SPIDR: variants seen among roughly 807,000 people sequenced by gnomAD.
SPIDR encodes scaffold protein involved in DNA repair.
Under a neutral mutation model 104.6 loss-of-function variants are expected in SPIDR, and 93 were observed. That is an observed-to-expected ratio of 0.89 (90% CI 0.75 to 1.06). SPIDR has a LOEUF of 1.06. Among genes scored for constraint, SPIDR ranks in the 50% least tolerant of loss-of-function variants. The pLI is 0.00. For missense variants in SPIDR, 1,154 were observed against 1,111.2 expected, an observed-to-expected ratio of 1.04 and a Z score of -0.55; for synonymous variants, 431 against 416.9, an observed-to-expected ratio of 1.03 and a Z score of -0.41.
chr8:47,406,091 C>CTT (rs548168516), intron 6 of SPIDR, among the ~76,000 whole-genome samples: 46 of 135,098 alleles, frequency 3.4e-4, no homozygotes, highest in African/African-American at 1.1e-3. Flanking sequence ...TTCATTTTGC[C>CTT]TTTTTTTTTT....
intron 8 of SPIDR, among the ~76,000 whole-genome samples, chr8:47,584,451 T>C (rs904861603): frequency 6.6e-6 from 1 of 152,232 alleles, no homozygotes; most frequent in Admixed American, 6.5e-5. Flanking sequence ...CTGTATTTTC[T>C]GTATCCTAAG....
chr8:47,265,245 A>G (rs914500407), intron 1 of SPIDR, among the ~76,000 whole-genome samples: 7 of 138,922 alleles, frequency 5.0e-5, no homozygotes, highest in African/African-American at 2.0e-4. Context: ...GCTGGGGTGC[A>G]GGGGTGCTAT....
chr8:47,721,808 A>G (rs976351116), intron 16 of SPIDR, among the ~76,000 whole-genome samples: 14 of 152,304 alleles, frequency 9.2e-5, no homozygotes, highest in Admixed American at 2.6e-4. Flanking sequence ...GAAGTCGGGT[A>G]CTGTCAGTTT....
intron 11 of SPIDR, among the ~76,000 whole-genome samples, chr8:47,687,460 C>G (rs1464625066): frequency 6.6e-6 from 1 of 152,232 alleles, no homozygotes; most frequent in Non-Finnish European, 1.5e-5. Context: ...GTGTTTACCA[C>G]TTCAAAGCAG....
At chr8:47,436,228 G>T (rs183480012) in intron 7 of SPIDR, among the ~76,000 whole-genome samples, 48 of 152,218 alleles carry the variant, frequency 3.2e-4, no homozygotes, top group Admixed American at 9.2e-4. Flanking sequence ...TAAAGTATTT[G>T]GGGATTTTCA....
At chr8:47,317,674 T>C in intron 5 of SPIDR, among the ~76,000 whole-genome samples, 1 of 151,960 alleles carries the variant, frequency 6.6e-6, no homozygotes, top group Middle Eastern at 3.4e-3. Flanking sequence ...CCCCCCCGAG[T>C]AGCTTAACTG....
intron 8 of SPIDR, among the ~76,000 whole-genome samples, chr8:47,472,248 C>G (rs562832169): frequency 3.3e-5 from 5 of 152,302 alleles, no homozygotes; most frequent in Non-Finnish European, 7.4e-5. Context: ...GGGGCTAACC[C>G]CTCCTTCACA....
chr8:47,442,280 G>A (rs2069591215), intron 8 of SPIDR, among the ~76,000 whole-genome samples: 1 of 152,078 alleles, frequency 6.6e-6, no homozygotes, highest in Non-Finnish European at 1.5e-5. Context: ...TTAATAATTT[G>A]GAGTATAATC....
intron 5 of SPIDR, among the ~76,000 whole-genome samples, chr8:47,337,273 G>A (rs1306956749): frequency 6.6e-6 from 1 of 152,006 alleles, no homozygotes; most frequent in Non-Finnish European, 1.5e-5. Context: ...GACTACAGAG[G>A]GGCCTACCAC....
At chr8:47,445,237 G>A (rs2154345748) in intron 8 of SPIDR, among the ~76,000 whole-genome samples, 1 of 152,250 alleles carries the variant, frequency 6.6e-6, no homozygotes, top group Non-Finnish European at 1.5e-5. Context: ...GTGCTCACCT[G>A]TCTCTATATC....
At chr8:47,720,711 G>A (rs2083269380) in intron 16 of SPIDR, among the ~76,000 whole-genome samples, 1 of 151,666 alleles carries the variant, frequency 6.6e-6, no homozygotes, top group African/African-American at 2.4e-5. Context: ...TTGATCAGAT[G>A]TGTCTTTTGC....
Position 47,445,902 on chromosome 8 carries a change from C to A in SPIDR, c.1097+5360C>A, listed in dbSNP as rs2070502907. Among the ~76,000 whole-genome samples, 3 of 152,168 alleles carry A rather than the reference C, an allele frequency of 2.0e-5. No individual in the cohort carries two copies. The South Asian group carries it at 6.2e-4, about 31-fold the overall frequency. Reference sequence around the variant, plus strand: ...TTGAAGTCTGAGAGAGGTGAGGAAGCTTCAGAAGAAAAATTTGAAGCTAGC... The same window carrying A: ...TTGAAGTCTGAGAGAGGTGAGGAAGATTCAGAAGAAAAATTTGAAGCTAGC... On this transcript the variant is annotated intron_variant, in intron 8 of 19. Coordinates refer to ENST00000297423, the MANE Select transcript of SPIDR (RefSeq NM_001080394.4).
rs1010734802 is a variant in SPIDR at position 47,360,501 on chromosome 8, A to G, written c.526-35875A>G. ...AGAATAAGCTCCAGGGCAGGAGCCTATGACTGCCTGTGGACCAGGCAGGTG... is the reference window on the plus strand; with the variant it reads ...AGAATAAGCTCCAGGGCAGGAGCCTGTGACTGCCTGTGGACCAGGCAGGTG... On this transcript the variant is annotated intron_variant, in intron 5 of 19. Transcript: ENST00000297423. 7.2e-5 allele frequency among the ~76,000 whole-genome samples: 11 copies of G among 152,256 alleles called. No individual in the cohort carries two copies. In the East Asian group the frequency reaches 1.9e-3, roughly 27 times the overall value.
intron 8 of SPIDR, among the ~76,000 whole-genome samples, chr8:47,509,442 A>G (rs1243805423): frequency 6.6e-6 from 1 of 152,166 alleles, no homozygotes; most frequent in Non-Finnish European, 1.5e-5. Flanking sequence ...TCTAGTTTCT[A>G]TTACAGGGGG....
At chr8:47,698,206 A>C (rs887792609) in intron 11 of SPIDR, among the ~76,000 whole-genome samples, 2 of 151,844 alleles carry the variant, frequency 1.3e-5, no homozygotes, top group Admixed American at 1.3e-4. Context: ...AATGGTGGCC[A>C]CTCCCCTGTC....
chr8:47,595,903 C>T lies in SPIDR; in HGVS notation c.1190C>T (p.Thr397Ile), dbSNP rs2061578343. Residue 397 changes from threonine (T) to isoleucine (I), a missense_variant, in exon 9 of 20, where the codon ACT becomes ATT. By Grantham distance (89) the Thr-to-Ile change is moderately conservative. Coordinates refer to ENST00000297423, the MANE Select transcript of SPIDR (RefSeq NM_001080394.4). Reference protein sequence around the residue: ...KVVAKEDSEKTCEVYCPDIPL... With the variant: ...KVVAKEDSEKICEVYCPDIPL... ...GTTGCCAAAGAAGATTCAGAAAAAA[C>T]TTGTGAAGTGTACTGTCCGGACATA... 1.2e-6 allele frequency: 2 copies of T among 1,614,080 alleles called. No homozygotes were observed. The highest frequency in any genetic ancestry group is 8.5e-7 in the Non-Finnish European group (1 of 1,180,022).
At chr8:47,728,453 A>G (rs574642432) in intron 17 of SPIDR, among the ~76,000 whole-genome samples, 158 of 149,484 alleles carry the variant, frequency 1.1e-3, no homozygotes, top group African/African-American at 3.6e-3. Flanking sequence ...AAAGAAAAGG[A>G]AAAAAAAAAC....
intron 10 of SPIDR, among the ~76,000 whole-genome samples, chr8:47,666,857 G>T (rs754684960): frequency 6.6e-6 from 1 of 151,892 alleles, no homozygotes; most frequent in African/African-American, 2.4e-5. Flanking sequence ...CTTCCTGTTG[G>T]ATCAAAAAAG....
chr8:47,448,138 T>G (rs1487288459), intron 8 of SPIDR, among the ~76,000 whole-genome samples: 1 of 152,224 alleles, frequency 6.6e-6, no homozygotes, highest in Non-Finnish European at 1.5e-5. Context: ...TCACTTAGAA[T>G]AATAATTTTG....
Sources: allele counts gnomAD v4.1 joint callset (sites outside exome capture counted in the v4.1 genomes callset), GRCh38; gene constraint gnomAD v4.1.1; transcripts MANE v1.5; gene names NCBI Gene and HGNC (gene_info 2026-07-23, HGNC 2026-07-21).